Variants in KCNV1 observed in about 807,000 individuals in gnomAD.
The protein encoded by KCNV1 is potassium voltage-gated channel modifier subfamily V member 1, also known as potassium voltage-gated channel subfamily V member 1.
A neutral mutation model predicts 36.4 loss-of-function variants in KCNV1; 2 were observed. That is an observed-to-expected ratio of 0.05 (90% CI 0.02 to 0.17). The LOEUF is 0.17. Among genes scored for constraint, KCNV1 ranks in the 10% least tolerant of loss-of-function variants. KCNV1 has a pLI of 1.00. For missense variants in KCNV1, 321 were observed against 643.6 expected (o/e 0.50, Z 5.42); for synonymous variants, 280 against 261.1 (o/e 1.07, Z -0.70).
At chr8:109,973,866 C>T in intron 2 of KCNV1, 62 bp downstream of exon 2, 2 of 1,234,332 alleles carry the variant, frequency 1.6e-6, no homozygotes, top group Non-Finnish European at 2.2e-6. Flanking sequence ...TCTACCTGTG[C>T]CTTCCTCTCT....
In KCNV1 at chr8:109,968,301, G is replaced by A. The variant is rs1248987102; in HGVS notation, c.1290C>T (p.Arg430=). 6.2e-6 allele frequency: 10 copies of A among 1,614,048 alleles called. No homozygotes were observed. In the Admixed American group the frequency reaches 1.0e-4, roughly 16 times the overall value. Residue 430 remains arginine (R), a synonymous_variant, in exon 4 of 4, where the codon CGC becomes CGT. Coordinates refer to ENST00000524391, the MANE Select transcript of KCNV1 (RefSeq NM_014379.4). The surrounding 1 kb of genome is among the most constrained non-coding windows in gnomAD (Gnocchi z 5.3). The stretch of plus-strand genomic sequence containing the variant: ...TCAAGGTGAAGTAGCAAGCAGAGAA[G>A]CGATCGTTAATAATAGCAATAGGCA... ...LALPIAIIND[R]FSACYFTLKL...
At position 109,974,191 on chromosome 8, in the gene KCNV1, G is replaced by T; in HGVS notation, c.198C>A (p.Gly66=). 1 of 1,591,016 alleles carries T rather than the reference G, an allele frequency of 6.3e-7. No homozygotes were observed. The highest frequency in any genetic ancestry group is 1.1e-5 in the South Asian group (1 of 88,188). The change falls in exon 2 of 4, where the codon GGC becomes GGA. Residue 66 remains glycine, a synonymous_variant. Transcript: ENST00000524391. The surrounding 1 kb of genome is among the most constrained non-coding windows in gnomAD (Gnocchi z 6.2). ...AGGAAGCCACCACCACGGCCAGCTT[G>T]CCAAGGCGCGTGTGCGGGAAGCAGG... ...ALSCFPHTRL[G]KLAVVVASYR...
rs1195079371 is a variant in KCNV1 at position 109,965,492 on chromosome 8, TA to T, written c.*2595del. On this transcript the variant is annotated 3_prime_UTR_variant, in exon 4 of 4. Coordinates refer to ENST00000524391, the MANE Select transcript of KCNV1 (RefSeq NM_014379.4). ...AACAGCAAAATTGAGTAAGCAATGA[TA>T]TTTTAAAACTTCTTTCTGAAGACCT... 2 of 152,160 alleles carry T rather than the reference TA, an allele frequency of 1.3e-5. No homozygotes were observed. The highest frequency in any genetic ancestry group is 2.9e-5 in the Non-Finnish European group (2 of 68,018). 9.4% of individuals were successfully genotyped at this position (152,160 alleles called of 1,614,324 possible). A position where few individuals can be genotyped will look rare whatever the true frequency, so the allele number is the denominator to read the frequency against.
In KCNV1 at chr8:109,972,334, C is replaced by T. The variant is rs1767294397; in HGVS notation, c.915G>A (p.Glu305=). 6.2e-7 allele frequency: 1 copy of T among 1,614,114 alleles called. No homozygotes were observed. The highest frequency in any genetic ancestry group is 1.3e-5 in the African/African-American group (1 of 75,042). The change falls in exon 3 of 4, where the codon GAG becomes GAA. Residue 305 remains glutamate, a synonymous_variant. Coordinates refer to ENST00000524391, the MANE Select transcript of KCNV1 (RefSeq NM_014379.4). The surrounding 1 kb of genome is among the most constrained non-coding windows in gnomAD (Gnocchi z 5.2). The part of the protein sequence containing the change: ...LSGSQTTQEL[E]NVGRIVQVLR... ...ACACCTGGACAATGCGCCCCACGTT[C>T]TCCAGCTCCTGCGTGGTCTGGCTCC...
At position 109,972,524 on chromosome 8, in the gene KCNV1, A is replaced by G; in HGVS notation, c.725T>C (p.Leu242Pro). The G allele has an allele frequency of 6.2e-7, 1 of 1,614,214 alleles. No individual in the cohort carries two copies. The highest frequency in any genetic ancestry group is 8.5e-7 in the Non-Finnish European group (1 of 1,180,034). ...AATGCACACATACTCCAGGATTTCC[A>G]GCAGCTGCAGGTCCAGCCAGCTTAA... Reference protein sequence around the residue: ...AELSWLDLQLLEILEYVCISW... With the variant: ...AELSWLDLQLPEILEYVCISW... The change falls in exon 3 of 4, where the codon CTG becomes CCG. Residue 242 changes from leucine (L) to proline (P), a missense_variant. Around this residue, in one of 5 missense-constraint regions of KCNV1, gnomAD observed 141 missense variants for 225.0 expected, o/e 0.63. Transcript: ENST00000524391. The surrounding 1 kb of genome is among the most constrained non-coding windows in gnomAD (Gnocchi z 5.2).
In KCNV1 at chr8:109,972,550, C is replaced by T; in HGVS notation, c.699G>A (p.Glu233=). 1 of 1,614,212 alleles carries T rather than the reference C, an allele frequency of 6.2e-7. No individual in the cohort carries two copies. Among genetic ancestry groups the T allele is most frequent in the Non-Finnish European group, 8.5e-7 (1 of 1,180,028 alleles). The change falls in exon 3 of 4, where the codon GAG becomes GAA. Residue 233 remains glutamate, a synonymous_variant. Transcript: ENST00000524391. The surrounding 1 kb of genome is among the most constrained non-coding windows in gnomAD (Gnocchi z 5.2). ...GCAGCTGCAGGTCCAGCCAGCTTAA[C>T]TCAGCTGACATCAGGGCCATGTTAA... ...SIINMALMSA[E]LSWLDLQLLE... is the part of the protein sequence containing the mutation.
chr8:109,971,538 T>C (rs1406896294), intron 3 of KCNV1, among the ~76,000 whole-genome samples: 1 of 152,136 alleles, frequency 6.6e-6, no homozygotes, highest in Non-Finnish European at 1.5e-5. Context: ...GTGTGTGTTA[T>C]ATGGAGACTT....
chr8:109,971,655 C>A (rs773330116), intron 3 of KCNV1, among the ~76,000 whole-genome samples: 1 of 151,698 alleles, frequency 6.6e-6, no homozygotes, highest in Non-Finnish European at 1.5e-5. Flanking sequence ...GACAAGAAAA[C>A]CTTCAGATAC....
Position 109,975,078 on chromosome 8 carries a change from G to A in KCNV1, c.-690C>T, listed in dbSNP as rs1375677340. The stretch of plus-strand genomic sequence containing the variant: ...GTTCGCTGGGGGTGTGAGCAGGTGG[G>A]GGAGGGTTCTCTGGGTGAGGGGGCC... On this transcript the variant is annotated 5_prime_UTR_variant, in exon 2 of 4. Coordinates refer to ENST00000524391, the MANE Select transcript of KCNV1 (RefSeq NM_014379.4). 1 of 152,340 alleles carries A rather than the reference G, an allele frequency of 6.6e-6. No homozygotes were observed. Among genetic ancestry groups the A allele is most frequent in the African/African-American group, 2.4e-5 (1 of 41,404 alleles). The allele number at this position is 152,340 out of a possible 1,614,324, so 9.4% of individuals were successfully genotyped here.
Position 109,968,704 on chromosome 8 carries a change from A to G in KCNV1, c.992-105T>C. ...CTCTGCCACCCACAAACTGCACTGC[A>G]CACTTAAATGTCCCCAGCACTGGGC... On this transcript the variant is annotated intron_variant, in intron 3 of 3. Coordinates refer to ENST00000524391, the MANE Select transcript of KCNV1 (RefSeq NM_014379.4). The surrounding 1 kb of genome is among the most constrained non-coding windows in gnomAD (Gnocchi z 5.3). 1 of 1,117,440 alleles carries G rather than the reference A, an allele frequency of 8.9e-7. No homozygotes were observed. The highest frequency in any genetic ancestry group is 2.5e-5 in the East Asian group (1 of 40,512). 69.2% of individuals were successfully genotyped at this position (1,117,440 alleles called of 1,614,324 possible). A position where few individuals can be genotyped will look rare whatever the true frequency, so the allele number is the denominator to read the frequency against.
rs1820026766 is a variant in KCNV1, at chr8:109,972,744, T to G, written c.505A>C (p.Lys169Gln). The G allele has an allele frequency of 1.9e-6, 3 of 1,612,866 alleles. No individual in the cohort carries two copies. The highest frequency in any genetic ancestry group is 1.6e-4 in the Middle Eastern group (1 of 6,070). Residue 169 changes from lysine (K) to glutamine (Q), a missense_variant, in exon 3 of 4, where the codon AAG becomes CAG. This residue lies in a region of KCNV1 where 141 missense variants were observed against 225.0 expected (regional missense o/e 0.63). Transcript: ENST00000524391. This position sits in a 1 kb window ranked among gnomAD's most constrained non-coding sequence, Gnocchi z 5.2. ...TGACTTTCCTGGTCTTCTGTGTCCTTCTTGAAGTCTAAAGTTTCACTCAGC... is the reference window on the plus strand; with the variant it reads ...TGACTTTCCTGGTCTTCTGTGTCCTGCTTGAAGTCTAAAGTTTCACTCAGC... ...KELSETLDFKKDTEDQESQHE... is the reference protein window; with the variant it reads ...KELSETLDFKQDTEDQESQHE...
At position 109,974,452 on chromosome 8, in the gene KCNV1, C is replaced by T; in HGVS notation, c.-64G>A. ...TTGGGGACACGCCGGAAGCTTTGGT[C>T]CCGCGAGGGCGGTGGCACGGCCCCT... On this transcript the variant is annotated 5_prime_UTR_variant, in exon 2 of 4. Transcript: ENST00000524391. The surrounding 1 kb of genome is among the most constrained non-coding windows in gnomAD (Gnocchi z 6.2). 1 of 1,235,332 alleles carries T rather than the reference C, an allele frequency of 8.1e-7. No homozygotes were observed. Among genetic ancestry groups the T allele is most frequent in the Non-Finnish European group, 1.1e-6 (1 of 917,478 alleles). The allele number at this position is 1,235,332 out of a possible 1,614,324, so 76.5% of individuals were successfully genotyped here. A position where few individuals can be genotyped will look rare whatever the true frequency, so the allele number is the denominator to read the frequency against.
intron 2 of KCNV1, among the ~76,000 whole-genome samples, chr8:109,973,646 T>A (rs538985142): frequency 6.6e-6 from 1 of 152,338 alleles, no homozygotes; most frequent in African/African-American, 2.4e-5. Flanking sequence ...ATTTATTCAG[T>A]CACCAAATAT....
chr8:109,967,067 G>C lies in KCNV1; in HGVS notation c.*1021C>G, dbSNP rs1391238053. The C allele has an allele frequency of 6.6e-6, 1 of 152,104 alleles. No individual in the cohort carries two copies. Among genetic ancestry groups the C allele is most frequent in the Non-Finnish European group, 1.5e-5 (1 of 67,992 alleles). 9.4% of individuals were successfully genotyped at this position (152,104 alleles called of 1,614,324 possible). On this transcript the variant is annotated 3_prime_UTR_variant, in exon 4 of 4. Coordinates refer to ENST00000524391, the MANE Select transcript of KCNV1 (RefSeq NM_014379.4). ...TGTCTAGGAATTGTGTTGTTATGAT[G>C]AATGTCAAAATGCCTGCAAAGTTTG...
chr8:109,969,177 A>ACT (rs1819979857), intron 3 of KCNV1, among the ~76,000 whole-genome samples: 1 of 152,236 alleles, frequency 6.6e-6, no homozygotes. Flanking sequence ...AAGCAGCAGA[A>ACT]GCAAGTTAGG....
intron 2 of KCNV1, among the ~76,000 whole-genome samples, 176 bp downstream of exon 2, chr8:109,973,752 G>A (rs1820041377): frequency 6.6e-6 from 1 of 152,138 alleles, no homozygotes; most frequent in Non-Finnish European, 1.5e-5. Flanking sequence ...AAAAGTTGGC[G>A]TTGATGCTTT....
Position 109,968,697 on chromosome 8 carries a change from G to A in KCNV1, c.992-98C>T. 2.5e-6 allele frequency: 3 copies of A among 1,195,804 alleles called. No individual in the cohort carries two copies. Among genetic ancestry groups the A allele is most frequent in the Non-Finnish European group, 3.5e-6 (3 of 855,184 alleles). 74.1% of individuals were successfully genotyped at this position (1,195,804 alleles called of 1,614,324 possible). ...CTCCTTGCTCTGCCACCCACAAACT[G>A]CACTGCACACTTAAATGTCCCCAGC... On this transcript the variant is annotated intron_variant, in intron 3 of 3. Transcript: ENST00000524391. The surrounding 1 kb of genome is among the most constrained non-coding windows in gnomAD (Gnocchi z 5.3).
rs1244914282 is a variant in KCNV1, at chr8:109,972,516, G to A, written c.733C>T (p.Leu245=). The part of the protein sequence containing the change: ...SWLDLQLLEI[L]EYVCISWFTG... ...AACCAGCTAATGCACACATACTCCA[G>A]GATTTCCAGCAGCTGCAGGTCCAGC... Residue 245 remains leucine (L), a synonymous_variant, in exon 3 of 4, where the codon CTG becomes TTG. Transcript: ENST00000524391. This position sits in a 1 kb window ranked among gnomAD's most constrained non-coding sequence, Gnocchi z 5.2. 6.2e-7 allele frequency: 1 copy of A among 1,614,060 alleles called. No individual in the cohort carries two copies. Among genetic ancestry groups the A allele is most frequent in the African/African-American group, 1.3e-5 (1 of 74,928 alleles).
chr8:109,974,720 A>C lies in KCNV1; in HGVS notation c.-332T>G. On this transcript the variant is annotated 5_prime_UTR_variant, in exon 2 of 4. Transcript: ENST00000524391. The surrounding 1 kb of genome is among the most constrained non-coding windows in gnomAD (Gnocchi z 6.2). The stretch of plus-strand genomic sequence containing the variant: ...TGCCGGTCGCCCTGGCCCTTCCCAA[A>C]CGTTGTCACCCCGCCTCCCAACTTC... The C allele has an allele frequency of 3.5e-5, 11 of 318,088 alleles. No homozygotes were observed. Among genetic ancestry groups the C allele is most frequent in the East Asian group, 5.8e-5 (1 of 17,238 alleles). 19.7% of individuals were successfully genotyped at this position (318,088 alleles called of 1,614,324 possible). A position where few individuals can be genotyped will look rare whatever the true frequency, so the allele number is the denominator to read the frequency against.
Sources: allele counts gnomAD v4.1 joint callset (sites outside exome capture counted in the v4.1 genomes callset), GRCh38; gene constraint gnomAD v4.1.1; regional missense constraint gnomAD v4.1.1; non-coding constraint Gnocchi (gnomAD v3.1); transcripts MANE v1.5; gene names NCBI Gene and HGNC (gene_info 2026-07-23, HGNC 2026-07-21).